The following TMEM272 variants were observed in gnomAD, a reference collection of about 807,000 sequenced individuals.
The protein encoded by TMEM272 is transmembrane protein 272, also known as long intergenic non-protein coding RNA 282.
TMEM272 carries 8 observed loss-of-function variants against 3.7 expected under a neutral mutation model. The ratio of observed to expected loss-of-function variants is 2.17; its 90% CI spans 1.27 to 3.91. The LOEUF is 3.91. TMEM272 is among the 30% of genes most tolerant of loss of function. The probability of loss-of-function intolerance (pLI) is 0.00; values close to 1 mark genes in which losing one functional copy is unlikely to be tolerated. For synonymous variants in TMEM272, 63 were observed against 39.8 expected, an observed-to-expected ratio of 1.58 and a Z score of -2.20; for missense variants, 166 against 91.5, an observed-to-expected ratio of 1.81 and a Z score of -3.32.
At chr13:51,858,400 T>C in the TMEM272 span, among the ~76,000 whole-genome samples, 1 of 152,186 alleles carries the variant, frequency 6.6e-6, no homozygotes, top group African/African-American at 2.4e-5. Flanking sequence ...ACCATATACT[T>C]TGTGCAAACC....
chr13:51,882,250 T>C, the TMEM272 span, among the ~76,000 whole-genome samples: 5 of 152,228 alleles, frequency 3.3e-5, no homozygotes, highest in Admixed American at 6.5e-5. Context: ...ATAATTAATA[T>C]ATACATTGTT....
At chr13:51,888,027 T>C in the TMEM272 span, among the ~76,000 whole-genome samples, 53 of 148,528 alleles carry the variant, frequency 3.6e-4, no homozygotes, top group African/African-American at 1.3e-3. Context: ...ATACATATTG[T>C]AATTTCACTT....
the TMEM272 span, among the ~76,000 whole-genome samples, chr13:51,861,028 C>A: frequency 6.6e-6 from 1 of 151,654 alleles, no homozygotes; most frequent in Non-Finnish European, 1.5e-5. Context: ...AGAATCCTGC[C>A]GTTTGTCACA....
the TMEM272 span, among the ~76,000 whole-genome samples, chr13:51,920,994 T>C: frequency 6.6e-6 from 1 of 152,372 alleles, no homozygotes; most frequent in African/African-American, 2.4e-5. Flanking sequence ...CAAACTCATT[T>C]CATTTTGCTT....
intron 4 of TMEM272, among the ~76,000 whole-genome samples, chr13:51,818,173 G>A (rs115373938): frequency 1.2e-3 from 186 of 152,286 alleles, no homozygotes; most frequent in African/African-American, 3.8e-3. Flanking sequence ...CTTGGATGAC[G>A]GAGGATGTGG....
the TMEM272 span, chr13:51,865,462 C>T: frequency 6.2e-7 from 1 of 1,614,142 alleles, no homozygotes; most frequent in Non-Finnish European, 8.5e-7. Context: ...GCTTCCGGTC[C>T]CTGGCGGCAT....
upstream of TMEM272, chr13:51,845,284 G>A (rs576594261): frequency 6.6e-6 from 1 of 152,262 alleles, no homozygotes; most frequent in Non-Finnish European, 1.5e-5. Context: ...GGCCCGCAGG[G>A]GGGCAGCAGA....
the TMEM272 span, among the ~76,000 whole-genome samples, chr13:51,852,185 GT>G: frequency 6.6e-6 from 1 of 152,204 alleles, no homozygotes; most frequent in African/African-American, 2.4e-5. Context: ...ATTTTTGCCA[GT>G]TTGATCGATG....
At chr13:51,845,920 C>T (rs1371934309), upstream of TMEM272, among the ~76,000 whole-genome samples, 1 of 152,244 alleles carries the variant, frequency 6.6e-6, no homozygotes, top group Non-Finnish European at 1.5e-5. Context: ...AAACTGGCGT[C>T]ACATGACTTA....
the TMEM272 span, among the ~76,000 whole-genome samples, chr13:51,901,245 A>G: frequency 6.6e-6 from 1 of 152,172 alleles, no homozygotes; most frequent in Admixed American, 6.5e-5. Flanking sequence ...GTCCACACAC[A>G]CTTTAATGAA....
chr13:51,913,383 G>A, the TMEM272 span, among the ~76,000 whole-genome samples: 1 of 152,210 alleles, frequency 6.6e-6, no homozygotes, highest in Non-Finnish European at 1.5e-5. Flanking sequence ...AGAAATGGGA[G>A]GGGTGTTCCT....
the TMEM272 span, among the ~76,000 whole-genome samples, chr13:51,887,194 T>G: frequency 6.6e-6 from 1 of 152,210 alleles, no homozygotes; most frequent in South Asian, 2.1e-4. Context: ...GGTGGTCTTA[T>G]GGGGGAGTTG....
the TMEM272 span, among the ~76,000 whole-genome samples, chr13:51,895,745 T>C: frequency 6.6e-6 from 1 of 152,138 alleles, no homozygotes; most frequent in Non-Finnish European, 1.5e-5. Flanking sequence ...AGCATGCAGC[T>C]AATGATGATA....
the TMEM272 span, among the ~76,000 whole-genome samples, chr13:51,911,016 AGGAATAACAAATCAT>A: frequency 6.6e-6 from 1 of 152,208 alleles, no homozygotes; most frequent in Non-Finnish European, 1.5e-5. Flanking sequence ...CAGAATGATA[AGGAATAACAAATCAT>A]TGTTTTAAGT....
At chr13:51,864,831 G>C in the TMEM272 span, among the ~76,000 whole-genome samples, 6 of 152,030 alleles carry the variant, frequency 3.9e-5, no homozygotes, top group African/African-American at 1.2e-4. Context: ...TCACCTTTTT[G>C]TTTTAAACCA....
At chr13:51,871,488 G>T in the TMEM272 span, among the ~76,000 whole-genome samples, 1 of 152,104 alleles carries the variant, frequency 6.6e-6, no homozygotes, top group Admixed American at 6.5e-5. Context: ...TGCTCTGGAG[G>T]AAGGCAGCTG....
At chr13:51,840,502 A>G (rs1954009636) in intron 1 of TMEM272, among the ~76,000 whole-genome samples, 1 of 152,178 alleles carries the variant, frequency 6.6e-6, no homozygotes, top group Admixed American at 6.5e-5. Context: ...GACAGTTTTG[A>G]CTGCAGTGAG....
At chr13:51,915,601 C>A in the TMEM272 span, among the ~76,000 whole-genome samples, 10 of 152,184 alleles carry the variant, frequency 6.6e-5, no homozygotes, top group Non-Finnish European at 1.2e-4. Flanking sequence ...CAGAGACACG[C>A]CCCTGTCACC....
At chr13:51,904,673 A>G in the TMEM272 span, among the ~76,000 whole-genome samples, 1 of 152,216 alleles carries the variant, frequency 6.6e-6, no homozygotes. Flanking sequence ...TTGAGTATCA[A>G]TATGATGCTC....
Sources: gnomAD v4.1 joint callset for allele counts (sites outside exome capture counted in the v4.1 genomes callset) on GRCh38, gnomAD v4.1.1 for gene constraint, MANE v1.5 for transcripts, NCBI Gene and HGNC (gene_info 2026-07-23, HGNC 2026-07-21) for gene names.